Variants in WDR64 observed in about 807,000 individuals in gnomAD.
WDR64 encodes WD repeat domain 64, also known as WD repeat-containing protein 64.
A neutral mutation model predicts 139.3 loss-of-function variants in WDR64; 112 were observed. That is an observed-to-expected ratio of 0.80 (90% CI 0.69 to 0.94). WDR64 has a LOEUF of 0.94. Among genes scored for constraint, WDR64 ranks in the 40% least tolerant of loss-of-function variants. WDR64 has a pLI of 0.00. For missense variants in WDR64, 1,206 were observed against 1,293.1 expected (o/e 0.93, Z 1.03); for synonymous variants, 444 against 437.7 (o/e 1.01, Z -0.18).
chr1:241,760,457 G>GC (rs1160899660), intron 15 of WDR64, among the ~76,000 whole-genome samples: 1 of 148,216 alleles, frequency 6.7e-6, no homozygotes, highest in Non-Finnish European at 1.5e-5. Context: ...GGCAAAGAAG[G>GC]CCATACACAA....
intron 3 of WDR64, 87 bp from the exon 4 acceptor site, chr1:241,674,557 A>G (rs1323242472): frequency 3.9e-6 from 3 of 777,410 alleles, no homozygotes; most frequent in South Asian, 1.8e-5. Context: ...TGCCCTGGCC[A>G]TATCATTTTT....
At chr1:241,766,639 A>G (rs547585062) in intron 16 of WDR64, among the ~76,000 whole-genome samples, 76 of 151,988 alleles carry the variant, frequency 5.0e-4, no homozygotes, top group Non-Finnish European at 8.7e-4. Context: ...AGGTGGAGGT[A>G]GCAGTGAGCT....
Position 241,652,598 on chromosome 1 carries a change from T to C in WDR64, c.114T>C (p.Asp38=). ...LVEQTAAQKR[D]ERAGLFIHKE... ...AACAAACAGCAGCCCAGAAAAGAGA[T>C]GAAAGAGCAGGCTTATTTATCCATA... The change falls in exon 1 of 28, where the codon GAT becomes GAC. Residue 38 remains aspartate (D), a synonymous_variant. Coordinates refer to ENST00000437684, the MANE Select transcript of WDR64 (RefSeq NM_001367482.1). The C allele has an allele frequency of 1.3e-6, 2 of 1,551,750 alleles. No homozygotes were observed. Among genetic ancestry groups the C allele is most frequent in the Non-Finnish European group, 1.7e-6 (2 of 1,147,024 alleles).
At chr1:241,688,350 G>A (rs921592155) in intron 8 of WDR64, among the ~76,000 whole-genome samples, 2 of 152,102 alleles carry the variant, frequency 1.3e-5, no homozygotes, top group Admixed American at 6.6e-5. Context: ...TTATTGTGGC[G>A]ACTGTTGATT....
intron 9 of WDR64, among the ~76,000 whole-genome samples, chr1:241,716,346 G>C (rs749521925): frequency 6.7e-6 from 1 of 150,360 alleles, no homozygotes; most frequent in Non-Finnish European, 1.5e-5. Context: ...AAAATTTCCT[G>C]AGCATTATTT....
chr1:241,801,320 C>A lies in WDR64; in HGVS notation c.*105C>A. On this transcript the variant is annotated 3_prime_UTR_variant, in exon 28 of 28. Coordinates refer to ENST00000437684, the MANE Select transcript of WDR64 (RefSeq NM_001367482.1). ...GGAGAAACCACCAGACACTATCAGTCATCTCTGGTGTCAGGCCATCCTATT... is the reference window on the plus strand; with the variant it reads ...GGAGAAACCACCAGACACTATCAGTAATCTCTGGTGTCAGGCCATCCTATT... The A allele has an allele frequency of 1.0e-6, 1 of 996,898 alleles. No homozygotes were observed. The highest frequency in any genetic ancestry group is 2.0e-5 in the Admixed American group (1 of 50,872). The allele number at this position is 996,898 out of a possible 1,614,324, so 61.8% of individuals were successfully genotyped here. A position where few individuals can be genotyped will look rare whatever the true frequency, so the allele number is the denominator to read the frequency against.
In WDR64 at chr1:241,656,878, G is replaced by GTGTGTATGTGTGTA. The variant is rs71174827; in HGVS notation, c.146-3647_146-3646insATGTGTGTATGTGT. ...CAAGTCTTTGCCAAATGTTGTGTGT[G>GTGTGTATGTGTGTA]TGTGTGTGTGTGTGTGTGTGTGTGT... On this transcript the variant is annotated intron_variant, in intron 1 of 27. Transcript: ENST00000437684. The surrounding 1 kb of genome is among the most constrained non-coding windows in gnomAD (Gnocchi z 4.3). 7.3e-6 allele frequency among the ~76,000 whole-genome samples: 1 copy of GTGTGTATGTGTGTA among 136,374 alleles called. No individual in the cohort carries two copies. Among genetic ancestry groups the GTGTGTATGTGTGTA allele is most frequent in the African/African-American group, 2.6e-5 (1 of 37,950 alleles). The allele number at this position is 136,374 out of a possible 152,430, so 89.5% of individuals were successfully genotyped here.
chr1:241,702,073 A>G (rs944426713), intron 8 of WDR64, among the ~76,000 whole-genome samples: 1 of 152,236 alleles, frequency 6.6e-6, no homozygotes, highest in Non-Finnish European at 1.5e-5. Flanking sequence ...CTAGCAAGAA[A>G]ATAAACATCT....
At chr1:241,762,237 T>C (rs151088500) in intron 15 of WDR64, among the ~76,000 whole-genome samples, 1 of 152,328 alleles carries the variant, frequency 6.6e-6, no homozygotes, top group Non-Finnish European at 1.5e-5. Flanking sequence ...AAAACAACAT[T>C]CACGTTGTAC....
At chr1:241,713,422 GGGAA>G (rs1239869136) in intron 9 of WDR64, among the ~76,000 whole-genome samples, 1 of 106,294 alleles carries the variant, frequency 9.4e-6, no homozygotes, top group Non-Finnish European at 2.1e-5. Flanking sequence ...AGGGAAGGAA[GGGAA>G]GGAAGGAAGG....
chr1:241,709,558 G>C (rs1487313695), intron 8 of WDR64, among the ~76,000 whole-genome samples: 4 of 152,112 alleles, frequency 2.6e-5, no homozygotes, highest in African/African-American at 9.7e-5. Flanking sequence ...AGGCTGCAGT[G>C]AGCTATGGTC....
intron 9 of WDR64, among the ~76,000 whole-genome samples, chr1:241,712,230 G>A (rs1558485507): frequency 6.6e-6 from 1 of 151,936 alleles, no homozygotes; most frequent in Non-Finnish European, 1.5e-5. Flanking sequence ...TTATGTGTGT[G>A]CGTGTGCCTT....
intron 3 of WDR64, among the ~76,000 whole-genome samples, chr1:241,671,681 T>A (rs1666235585): frequency 6.6e-6 from 1 of 152,088 alleles, no homozygotes; most frequent in Admixed American, 6.5e-5. Flanking sequence ...ATGTATGTGT[T>A]CTTCATTTTC....
At position 241,782,333 on chromosome 1, in the gene WDR64, T is replaced by C. The variant is rs545437032; in HGVS notation, c.2596-939T>C. Among the ~76,000 whole-genome samples, 24 of 152,270 alleles carry C rather than the reference T, an allele frequency of 1.6e-4. No individual in the cohort carries two copies. The South Asian group carries it at 2.9e-3, about 18-fold the overall frequency. ...GAGTCCAGATTTTACTTTGGCTCTC[T>C]AAAAATAACCAGAGGGAATTGAGTC... On this transcript the variant is annotated intron_variant, in intron 22 of 27. Coordinates refer to ENST00000437684, the MANE Select transcript of WDR64 (RefSeq NM_001367482.1).
chr1:241,676,744 GGT>G (rs1666571264), intron 4 of WDR64, among the ~76,000 whole-genome samples: 1 of 102,564 alleles, frequency 9.8e-6, no homozygotes, highest in Admixed American at 1.1e-4. Flanking sequence ...AAAAATTAAT[GGT>G]TTTTTTTTTT....
chr1:241,693,670 C>T (rs900067647), intron 8 of WDR64, among the ~76,000 whole-genome samples: 1 of 151,974 alleles, frequency 6.6e-6, no homozygotes, highest in African/African-American at 2.4e-5. Context: ...CTGTGCCTTC[C>T]CCTCAGTTCT....
intron 2 of WDR64, among the ~76,000 whole-genome samples, chr1:241,663,425 A>T (rs974571542): frequency 6.6e-6 from 1 of 152,142 alleles, no homozygotes; most frequent in Non-Finnish European, 1.5e-5. Context: ...CTCCACAAAC[A>T]CTATCCCTTG....
chr1:241,759,688 T>G (rs1035061649), intron 15 of WDR64, among the ~76,000 whole-genome samples: 14 of 152,226 alleles, frequency 9.2e-5, no homozygotes, highest in African/African-American at 3.4e-4. Context: ...TATAGAGATC[T>G]TCACCTTTCT....
At chr1:241,705,559 AAAT>A (rs71174832) in intron 8 of WDR64, among the ~76,000 whole-genome samples, 2,200 of 136,598 alleles carry the variant, frequency 0.016, 28 homozygotes, top group South Asian at 0.028. Flanking sequence ...ATAAATAAAT[AAAT>A]AATAATAATA....
Sources: gnomAD v4.1 joint callset for allele counts (sites outside exome capture counted in the v4.1 genomes callset) on GRCh38, gnomAD v4.1.1 for gene constraint, Gnocchi (gnomAD v3.1) non-coding constraint, MANE v1.5 for transcripts, NCBI Gene and HGNC (gene_info 2026-07-23, HGNC 2026-07-21) for gene names.